Variants in UBE3D observed in about 807,000 individuals in gnomAD.
UBE3D encodes the protein ubiquitin protein ligase E3D.
In UBE3D, 48 loss-of-function variants were observed where a neutral mutation model predicts 49.6. That is an observed-to-expected ratio of 0.97 (90% CI 0.77 to 1.23). The LOEUF is 1.23. Among genes scored for constraint, UBE3D ranks in the 50% most tolerant of loss-of-function variants. The pLI is 0.00. For synonymous variants in UBE3D, 189 were observed against 174.2 expected (o/e 1.08, Z -0.67); for missense variants, 452 against 468.4 (o/e 0.96, Z 0.32).
In UBE3D at chr6:82,941,757, A is replaced by T. The variant is rs551381739; in HGVS notation, c.1149+15555T>A. ...AGTTCTCATGAGATCTGATAGTTTT[A>T]TAAGCATCTGGCATTTCCCCTGTTG... On this transcript the variant is annotated intron_variant, in intron 9 of 9. Transcript: ENST00000369747. Among the ~76,000 whole-genome samples, 13 of 152,216 alleles carry T rather than the reference A, an allele frequency of 8.5e-5. No individual in the cohort carries two copies. In the East Asian group the frequency reaches 2.3e-3, roughly 27 times the overall value.
intron 9 of UBE3D, among the ~76,000 whole-genome samples, chr6:82,897,005 C>T (rs1771372569): frequency 6.6e-6 from 1 of 151,928 alleles, no homozygotes; most frequent in South Asian, 2.1e-4. Flanking sequence ...TCCCAAAGTG[C>T]TGGGATTACA....
downstream of UBE3D, among the ~76,000 whole-genome samples, chr6:82,888,500 T>C (rs1175735841): frequency 2.0e-5 from 3 of 152,010 alleles, no homozygotes; most frequent in East Asian, 3.9e-4. Flanking sequence ...GTAATCAGGC[T>C]TTGTATAATA....
At chr6:82,994,826 G>C (rs765857382) in intron 8 of UBE3D, among the ~76,000 whole-genome samples, 2 of 152,170 alleles carry the variant, frequency 1.3e-5, no homozygotes, top group East Asian at 3.9e-4. Context: ...TAAGAGGAAA[G>C]ATATATTTGC....
At chr6:83,020,515 C>T (rs1277326933) in intron 7 of UBE3D, among the ~76,000 whole-genome samples, 4 of 151,960 alleles carry the variant, frequency 2.6e-5, no homozygotes, top group African/African-American at 9.7e-5. Flanking sequence ...TCTTCATGTT[C>T]CCTGATTGTG....
intron 9 of UBE3D, among the ~76,000 whole-genome samples, chr6:82,917,901 C>G (rs1773040155): frequency 6.6e-6 from 1 of 152,202 alleles, no homozygotes; most frequent in South Asian, 2.1e-4. Context: ...ACTGCTTAAC[C>G]CTTGCTGCTA....
chr6:82,916,815 G>A (rs1204695931), intron 9 of UBE3D, among the ~76,000 whole-genome samples: 1 of 152,128 alleles, frequency 6.6e-6, no homozygotes, highest in East Asian at 1.9e-4. Flanking sequence ...CAACAAACTA[G>A]GGGGTCTTGC....
At chr6:82,991,328 A>G (rs1234957326) in intron 8 of UBE3D, among the ~76,000 whole-genome samples, 1 of 152,176 alleles carries the variant, frequency 6.6e-6, no homozygotes, top group Non-Finnish European at 1.5e-5. Flanking sequence ...ACAACCATCA[A>G]TACCTCCAAG....
At chr6:83,062,749 TAA>T (rs1562241533) in intron 1 of UBE3D, among the ~76,000 whole-genome samples, 1 of 152,126 alleles carries the variant, frequency 6.6e-6, no homozygotes, top group Non-Finnish European at 1.5e-5. Flanking sequence ...TAAGAAAGGT[TAA>T]AAAGGTAGAA....
At position 83,020,135 on chromosome 6, in the gene UBE3D, T is replaced by TAATAG. The variant is rs371185236; in HGVS notation, c.847-1000_847-999insCTATT. Among the ~76,000 whole-genome samples the TAATAG allele has an allele frequency of 9.7e-3, 1,470 of 152,274 alleles. 22 individuals carry two copies. The highest frequency in any genetic ancestry group is 0.034 in the African/African-American group (1,393 of 41,540). ...ATCTGAGTTTCAAATATACAAATTC[T>TAATAG]TATATTACATTAGAAAGATCCATTT... On this transcript the variant is annotated intron_variant, in intron 7 of 9. Coordinates refer to ENST00000369747, the MANE Select transcript of UBE3D (RefSeq NM_198920.3).
At chr6:82,953,817 TA>T (rs1423553948) in intron 9 of UBE3D, among the ~76,000 whole-genome samples, 1 of 152,148 alleles carries the variant, frequency 6.6e-6, no homozygotes, top group Non-Finnish European at 1.5e-5. Flanking sequence ...TGAAGAAAAT[TA>T]AACAAGGTAA....
At chr6:82,982,777 A>C (rs1362107399) in intron 8 of UBE3D, among the ~76,000 whole-genome samples, 1 of 152,186 alleles carries the variant, frequency 6.6e-6, no homozygotes, top group African/African-American at 2.4e-5. Flanking sequence ...GATGGTTCAG[A>C]AAATGGTGTT....
intron 2 of UBE3D, among the ~76,000 whole-genome samples, chr6:83,056,522 A>G (rs1395650912): frequency 6.6e-6 from 1 of 152,166 alleles, no homozygotes; most frequent in Non-Finnish European, 1.5e-5. Flanking sequence ...GGTTATTCCA[A>G]CAGTCATTCC....
At chr6:82,890,589 ACCT>A (rs377113292), downstream of UBE3D, among the ~76,000 whole-genome samples, 15 of 151,982 alleles carry the variant, frequency 9.9e-5, no homozygotes, top group African/African-American at 3.6e-4. Context: ...GTGTTGCATG[ACCT>A]CCTCTTACAT....
At chr6:82,925,269 CTA>C (rs958712161) in intron 9 of UBE3D, 10 of 152,262 alleles carry the variant, frequency 6.6e-5, no homozygotes, top group African/African-American at 2.4e-4. Flanking sequence ...GAACATATTT[CTA>C]TCTTTATGAA....
intron 8 of UBE3D, among the ~76,000 whole-genome samples, chr6:83,006,374 G>A (rs1331767878): frequency 6.6e-6 from 1 of 152,144 alleles, no homozygotes; most frequent in Non-Finnish European, 1.5e-5. Context: ...GGACCCCAAT[G>A]TCCCTGTATT....
intron 4 of UBE3D, among the ~76,000 whole-genome samples, chr6:83,039,545 C>G (rs1483549502): frequency 6.6e-6 from 1 of 152,154 alleles, no homozygotes; most frequent in Non-Finnish European, 1.5e-5. Context: ...GAACACTATG[C>G]TAAGTGTTTT....
intron 5 of UBE3D, among the ~76,000 whole-genome samples, chr6:83,027,434 C>CAAAAAAAAAAAAAAAAAAAAAAAAAAAAA (rs61225462): frequency 5.8e-5 from 2 of 34,644 alleles, no homozygotes; most frequent in African/African-American, 1.1e-4. Context: ...GACTCCGTCT[C>CAAAAAAAAAAAAAAAAAAAAAAAAAAAAA]AAAAAAAAAA....
the UBE3D span, among the ~76,000 whole-genome samples, chr6:82,881,760 CA>C: frequency 5.9e-5 from 9 of 152,186 alleles, no homozygotes; most frequent in Non-Finnish European, 1.2e-4. Context: ...ATTCTGGAAT[CA>C]CATAATATTT....
chr6:83,035,720 G>T (rs1037121811), intron 5 of UBE3D, among the ~76,000 whole-genome samples: 3 of 152,134 alleles, frequency 2.0e-5, no homozygotes, highest in Non-Finnish European at 4.4e-5. Context: ...GTACTTAGTG[G>T]ACCCTTTCAG....
Sources: allele counts gnomAD v4.1 joint callset (sites outside exome capture counted in the v4.1 genomes callset), GRCh38; gene constraint gnomAD v4.1.1; transcripts MANE v1.5; gene names NCBI Gene and HGNC (gene_info 2026-07-23, HGNC 2026-07-21).